The following FHAD1 variants were observed in gnomAD, a reference collection of about 807,000 sequenced individuals.
The protein encoded by FHAD1 is forkhead-associated domain-containing protein 1.
In FHAD1, 146 loss-of-function variants were observed where a neutral mutation model predicts 191.3. The ratio of observed to expected loss-of-function variants is 0.76; its 90% CI spans 0.67 to 0.88. The LOEUF (loss-of-function observed/expected upper bound fraction) is 0.88. Ranked by LOEUF, FHAD1 falls within the 40% of genes least tolerant of loss-of-function variation. FHAD1 has a pLI of 0.00. For missense variants in FHAD1, 1,635 were observed against 1,785.8 expected (o/e 0.92, Z 1.52); for synonymous variants, 616 against 672.3 (o/e 0.92, Z 1.29).
intron 27 of FHAD1, 119 bp from the exon 28 acceptor site, chr1:15,375,484 G>C (rs1207387816): frequency 4.2e-6 from 4 of 950,758 alleles, no homozygotes; most frequent in Non-Finnish European, 6.0e-6. Flanking sequence ...ATCTGCCACG[G>C]GAGGTCGTAA....
At position 15,276,297 on chromosome 1, in the gene FHAD1, TA is replaced by T. The variant is rs1658352056; in HGVS notation, c.300+3769del. On this transcript the variant is annotated intron_variant, in intron 3 of 33. Transcript: ENST00000688493. The surrounding 1 kb of genome is among the most constrained non-coding windows in gnomAD (Gnocchi z 4.7). Reference sequence around the variant, plus strand: ...TAGCAGGAAGGTAAGAGGAGCACGCTAGCAGCCACCTGCCTCCACTGTGAGC... The same window carrying T: ...TAGCAGGAAGGTAAGAGGAGCACGCTGCAGCCACCTGCCTCCACTGTGAGC... 6.6e-6 allele frequency among the ~76,000 whole-genome samples: 1 copy of T among 152,210 alleles called. No individual in the cohort carries two copies. Among genetic ancestry groups the T allele is most frequent in the Non-Finnish European group, 1.5e-5 (1 of 68,036 alleles).
At chr1:15,392,851 A>G (rs1386199065) in intron 33 of FHAD1, among the ~76,000 whole-genome samples, 1 of 152,110 alleles carries the variant, frequency 6.6e-6, no homozygotes, top group Non-Finnish European at 1.5e-5. Flanking sequence ...TATAAAGGAA[A>G]ATCTTCCAGT....
chr1:15,282,352 AT>A (rs1444903790), intron 3 of FHAD1, among the ~76,000 whole-genome samples: 2 of 152,236 alleles, frequency 1.3e-5, no homozygotes, highest in Non-Finnish European at 2.9e-5. Flanking sequence ...TTCTTTATAA[AT>A]AATAACAAAA....
At chr1:15,310,565 C>G (rs951578923) in intron 7 of FHAD1, among the ~76,000 whole-genome samples, 1 of 152,192 alleles carries the variant, frequency 6.6e-6, no homozygotes, top group Admixed American at 6.5e-5. Flanking sequence ...TACACTCTCA[C>G]GGCCCCAAGT....
intron 1 of FHAD1, among the ~76,000 whole-genome samples, chr1:15,251,273 C>CAAAA (rs35431694): frequency 8.4e-6 from 1 of 118,920 alleles, no homozygotes. Flanking sequence ...GACCCTGTCT[C>CAAAA]AAAAAAAAAA....
chr1:15,264,548 ATGTGTG>A (rs71572146), intron 2 of FHAD1, among the ~76,000 whole-genome samples: 38 of 147,358 alleles, frequency 2.6e-4, no homozygotes, highest in East Asian at 7.9e-4. Context: ...ATATGTATAT[ATGTGTG>A]TGTGTGTGTG....
At chr1:15,386,524 C>T (rs1186190797) in intron 31 of FHAD1, among the ~76,000 whole-genome samples, 4 of 152,234 alleles carry the variant, frequency 2.6e-5, no homozygotes, top group African/African-American at 9.6e-5. Flanking sequence ...GCCCGTTCTT[C>T]GGCCTTTGTT....
intron 18 of FHAD1, among the ~76,000 whole-genome samples, chr1:15,346,835 C>CAG (rs1689092147): frequency 6.6e-6 from 1 of 152,220 alleles, no homozygotes; most frequent in African/African-American, 2.4e-5. Flanking sequence ...ACCGCTGCCT[C>CAG]CCTTCTCGAA....
At position 15,381,117 on chromosome 1, in the gene FHAD1, C is replaced by G. The variant is rs920479269; in HGVS notation, c.3802-114C>G. ...GTTGCACATCCTTTCAAAGCATGTG[C>G]GTGTTCTCTGCAATTGCAGAAAGTG... On this transcript the variant is annotated intron_variant, in intron 29 of 33. Coordinates refer to ENST00000688493, the MANE Select transcript of FHAD1 (RefSeq NM_001391957.1). This position sits in a 1 kb window ranked among gnomAD's most constrained non-coding sequence, Gnocchi z 4.6. The G allele has an allele frequency of 1.4e-6, 1 of 715,488 alleles. No homozygotes were observed. The highest frequency in any genetic ancestry group is 2.7e-5 in the East Asian group (1 of 37,034). The allele number at this position is 715,488 out of a possible 1,614,324, so 44.3% of individuals were successfully genotyped here. A position where few individuals can be genotyped will look rare whatever the true frequency, so the allele number is the denominator to read the frequency against.
At chr1:15,270,254 C>T (rs539107207) in intron 2 of FHAD1, among the ~76,000 whole-genome samples, 8 of 152,296 alleles carry the variant, frequency 5.3e-5, no homozygotes, top group Non-Finnish European at 1.2e-4. Flanking sequence ...CTGAAACTGC[C>T]TTGGCCGCAG....
intron 33 of FHAD1, among the ~76,000 whole-genome samples, chr1:15,392,695 AG>A (rs1704503375): frequency 6.6e-6 from 1 of 152,224 alleles, no homozygotes; most frequent in Non-Finnish European, 1.5e-5. Flanking sequence ...TCATAAAAAA[AG>A]TGTCCATCCC....
At chr1:15,251,732 A>G (rs997678431) in intron 1 of FHAD1, 39 bp from the exon 2 acceptor site, 1 of 1,453,398 alleles carries the variant, frequency 6.9e-7, no homozygotes, top group Admixed American at 2.2e-5. Context: ...TTAGAGAACT[A>G]CATTTTCTAA....
At chr1:15,317,708 A>G (rs1674936712) in intron 9 of FHAD1, 116 bp from the exon 10 acceptor site, 1 of 649,988 alleles carries the variant, frequency 1.5e-6, no homozygotes. Flanking sequence ...GATACCAGAC[A>G]AGGTTTCCAC....
At position 15,262,000 on chromosome 1, in the gene FHAD1, C is replaced by T. The variant is rs115930455; in HGVS notation, c.93+10123C>T. On this transcript the variant is annotated intron_variant, in intron 2 of 33. Coordinates refer to ENST00000688493, the MANE Select transcript of FHAD1 (RefSeq NM_001391957.1). ...CTCCAGCCTGGGCAACATAGCAAGC[C>T]CCTGTGTTTTTAGCACACACGCACA... Among the ~76,000 whole-genome samples, 619 of 152,142 alleles carry T rather than the reference C, an allele frequency of 4.1e-3. 8 individuals are homozygous for T. The highest frequency in any genetic ancestry group is 0.014 in the African/African-American group (595 of 41,488).
chr1:15,238,631 A>G (rs1645038084), intron 1 of FHAD1, among the ~76,000 whole-genome samples: 1 of 152,178 alleles, frequency 6.6e-6, no homozygotes, highest in Non-Finnish European at 1.5e-5. Flanking sequence ...CTCACTTCCT[A>G]AACCCTGCCA....
chr1:15,240,675 C>T (rs1391926071), intron 1 of FHAD1, among the ~76,000 whole-genome samples: 5 of 149,800 alleles, frequency 3.3e-5, no homozygotes, highest in African/African-American at 9.8e-5. Context: ...GAAAGCAGAT[C>T]GGGCCGGGCG....
chr1:15,348,944 G>C, intron 18 of FHAD1, 98 bp from the exon 19 acceptor site: 1 of 841,010 alleles, frequency 1.2e-6, no homozygotes. Context: ...CACTTTGGCT[G>C]TTATTGTTAC....
chr1:15,388,416 C>T, intron 32 of FHAD1: 4 of 1,138,918 alleles, frequency 3.5e-6, no homozygotes, highest in Non-Finnish European at 4.3e-6. Context: ...CCCGTCTGTC[C>T]ATTAAGGTGA....
At chr1:15,328,173 A>C in intron 12 of FHAD1, 104 bp from the exon 13 acceptor site, 13 of 886,220 alleles carry the variant, frequency 1.5e-5, no homozygotes, top group South Asian at 2.5e-5. Context: ...TTAGACAGGG[A>C]CTTAAGTTGC....
Sources: allele counts gnomAD v4.1 joint callset (sites outside exome capture counted in the v4.1 genomes callset), GRCh38; gene constraint gnomAD v4.1.1; non-coding constraint Gnocchi (gnomAD v3.1); transcripts MANE v1.5; gene names NCBI Gene and HGNC (gene_info 2026-07-23, HGNC 2026-07-21).